Variants in AGMO observed in about 807,000 individuals in gnomAD.
The protein encoded by AGMO is glyceryl-ether monooxygenase.
AGMO carries 75 observed loss-of-function variants against 60.2 expected under a neutral mutation model. The ratio of observed to expected loss-of-function variants is 1.25; its 90% confidence interval spans 1.03 to 1.51. The LOEUF (loss-of-function observed/expected upper bound fraction) is 1.51. Among genes scored for constraint, AGMO ranks in the 40% most tolerant of loss-of-function variants. The probability of loss-of-function intolerance (pLI) is 0.00; values close to 1 mark genes in which losing one functional copy is unlikely to be tolerated. For missense variants in AGMO, 763 were observed against 525.5 expected, an observed-to-expected ratio of 1.45 and a Z score of -4.42; for synonymous variants, 261 against 177.1, an observed-to-expected ratio of 1.47 and a Z score of -3.76.
At chr7:15,256,077 G>A (rs12699697) in intron 12 of AGMO, among the ~76,000 whole-genome samples, 337 of 152,308 alleles carry the variant, frequency 2.2e-3, no homozygotes, top group Non-Finnish European at 3.5e-3. Flanking sequence ...CCATAAAATA[G>A]GAGGTGCTGA....
At chr7:15,437,998 C>T (rs536025775) in intron 3 of AGMO, among the ~76,000 whole-genome samples, 4 of 151,830 alleles carry the variant, frequency 2.6e-5, no homozygotes, top group Non-Finnish European at 2.9e-5. Flanking sequence ...CTTTTTTATT[C>T]GTGTTCAGAT....
chr7:15,362,198 T>G (rs528716976), intron 12 of AGMO, among the ~76,000 whole-genome samples: 6 of 152,146 alleles, frequency 3.9e-5, no homozygotes, highest in Middle Eastern at 3.2e-3. Flanking sequence ...ACATAAAGTT[T>G]TAAGAGATAC....
chr7:15,284,995 A>G (rs1250091620), intron 12 of AGMO, among the ~76,000 whole-genome samples: 1 of 152,128 alleles, frequency 6.6e-6, no homozygotes, highest in African/African-American at 2.4e-5. Flanking sequence ...TCATCTCAAC[A>G]GATGCAGATA....
At chr7:15,203,160 G>C (rs898703014) in intron 12 of AGMO, among the ~76,000 whole-genome samples, 1 of 152,042 alleles carries the variant, frequency 6.6e-6, no homozygotes, top group African/African-American at 2.4e-5. Flanking sequence ...TGTATATAAA[G>C]TTTTCGGAGT....
intron 3 of AGMO, among the ~76,000 whole-genome samples, chr7:15,539,917 C>G (rs1368598575): frequency 6.6e-6 from 1 of 151,928 alleles, no homozygotes; most frequent in East Asian, 1.9e-4. Flanking sequence ...ATATGAAAAC[C>G]CTAATTTGTT....
intron 12 of AGMO, among the ~76,000 whole-genome samples, chr7:15,323,212 A>G (rs1217983190): frequency 2.6e-5 from 4 of 152,134 alleles, no homozygotes; most frequent in African/African-American, 9.7e-5. Context: ...GAAGAGCAAG[A>G]TAATTTTGCT....
At chr7:15,466,449 A>T (rs1309027205) in intron 3 of AGMO, among the ~76,000 whole-genome samples, 2 of 152,216 alleles carry the variant, frequency 1.3e-5, no homozygotes, top group African/African-American at 4.8e-5. Context: ...TACTGCTATT[A>T]ACACATCTAA....
chr7:15,303,728 T>C (rs915802634), intron 12 of AGMO, among the ~76,000 whole-genome samples: 1 of 152,082 alleles, frequency 6.6e-6, no homozygotes, highest in Admixed American at 6.6e-5. Context: ...ATACAAGCTA[T>C]GGAAAAATGA....
chr7:15,521,563 A>G (rs2128535827), intron 3 of AGMO, among the ~76,000 whole-genome samples: 1 of 152,330 alleles, frequency 6.6e-6, no homozygotes, highest in Admixed American at 6.5e-5. Flanking sequence ...CAATAAATGT[A>G]ATCCATCACA....
chr7:15,354,259 G>A (rs1316133452), intron 12 of AGMO, among the ~76,000 whole-genome samples: 2 of 143,780 alleles, frequency 1.4e-5, no homozygotes, highest in Non-Finnish European at 3.0e-5. Context: ...AGTAAAAAAT[G>A]TGTACATGAT....
intron 4 of AGMO, among the ~76,000 whole-genome samples, chr7:15,419,169 T>C (rs1244649005): frequency 6.6e-6 from 1 of 152,036 alleles, no homozygotes; most frequent in Non-Finnish European, 1.5e-5. Context: ...GATGACATCA[T>C]ATCTCTTAAT....
At chr7:15,336,284 C>G (rs1781657847) in intron 12 of AGMO, among the ~76,000 whole-genome samples, 1 of 150,476 alleles carries the variant, frequency 6.6e-6, no homozygotes, top group Non-Finnish European at 1.5e-5. Flanking sequence ...TGTATGTCCA[C>G]CCAGTTCTTT....
At chr7:15,174,784 T>A in the AGMO span, among the ~76,000 whole-genome samples, 1 of 152,012 alleles carries the variant, frequency 6.6e-6, no homozygotes, top group Non-Finnish European at 1.5e-5. Flanking sequence ...TCCAAAAATA[T>A]TTTTTCTATG....
chr7:15,128,413 A>AT, the AGMO span, among the ~76,000 whole-genome samples: 3 of 152,060 alleles, frequency 2.0e-5, no homozygotes, highest in South Asian at 2.1e-4. Flanking sequence ...ATTTTAATTT[A>AT]TTTTTTTATT....
chr7:15,544,648 T>C (rs1252214832), intron 3 of AGMO, 124 bp downstream of exon 3: 1 of 862,306 alleles, frequency 1.2e-6, no homozygotes, highest in Non-Finnish European at 1.6e-6. Flanking sequence ...TATTAATTTT[T>C]ATATCCGTAA....
intron 12 of AGMO, among the ~76,000 whole-genome samples, chr7:15,220,733 A>G (rs1781893927): frequency 6.6e-6 from 1 of 152,074 alleles, no homozygotes; most frequent in South Asian, 2.1e-4. Flanking sequence ...AACCGATTGT[A>G]AAACCAAGCC....
chr7:15,169,962 G>T, the AGMO span, among the ~76,000 whole-genome samples: 1 of 152,222 alleles, frequency 6.6e-6, no homozygotes, highest in Admixed American at 6.5e-5. Flanking sequence ...CAGAGAATTT[G>T]GCTTAAGCCA....
intron 2 of AGMO, among the ~76,000 whole-genome samples, chr7:15,558,869 GC>G (rs2115314953): frequency 6.6e-6 from 1 of 151,790 alleles, no homozygotes; most frequent in African/African-American, 2.4e-5. Context: ...TTCCCACTGG[GC>G]GGTTAATAGA....
At chr7:15,324,592 G>A (rs761104756) in intron 12 of AGMO, among the ~76,000 whole-genome samples, 7 of 152,042 alleles carry the variant, frequency 4.6e-5, no homozygotes, top group Non-Finnish European at 1.0e-4. Context: ...CCTGAGGTCT[G>A]TCCTCTAATG....
Sources: gnomAD v4.1 joint callset for allele counts (sites outside exome capture counted in the v4.1 genomes callset) on GRCh38, gnomAD v4.1.1 for gene constraint, MANE v1.5 for transcripts, NCBI Gene and HGNC (gene_info 2026-07-23, HGNC 2026-07-21) for gene names.